The following MAP4K4 variants were observed in gnomAD, a reference collection of about 807,000 sequenced individuals.
MAP4K4 encodes the protein HPK/GCK-like kinase HGK.
MAP4K4 carries 38 observed loss-of-function variants against 189.6 expected under a neutral mutation model. The ratio of observed to expected loss-of-function variants is 0.20; its 90% CI spans 0.15 to 0.26. The LOEUF is 0.26. MAP4K4 is among the 10% of genes least tolerant of loss of function. The probability of loss-of-function intolerance (pLI) is 1.00; values close to 1 mark genes in which losing one functional copy is unlikely to be tolerated. For missense variants in MAP4K4, 1,054 were observed against 1,726.9 expected (o/e 0.61, Z 6.91); for synonymous variants, 610 against 624.3 (o/e 0.98, Z 0.34).
intron 2 of MAP4K4, among the ~76,000 whole-genome samples, chr2:101,729,971 T>C (rs1273721471): frequency 6.6e-6 from 1 of 152,206 alleles, no homozygotes; most frequent in East Asian, 1.9e-4. Context: ...AACCTGTCTT[T>C]GTGTCTCCTC....
intron 2 of MAP4K4, among the ~76,000 whole-genome samples, chr2:101,702,915 TGAA>T (rs1397061982): frequency 6.6e-6 from 1 of 152,154 alleles, no homozygotes; most frequent in Non-Finnish European, 1.5e-5. Flanking sequence ...CCTCATTTAT[TGAA>T]GAAAGGGAGG....
chr2:101,861,082 C>A, intron 16 of MAP4K4, 96 bp downstream of exon 16: 1 of 1,173,950 alleles, frequency 8.5e-7, no homozygotes, highest in Non-Finnish European at 1.2e-6. Flanking sequence ...TTTGTCACCA[C>A]ACTGAAAAAG....
At chr2:101,882,283 T>G (rs1268009011) in intron 27 of MAP4K4, among the ~76,000 whole-genome samples, 4 of 152,248 alleles carry the variant, frequency 2.6e-5, no homozygotes, top group Non-Finnish European at 5.9e-5. Context: ...TGAGATCACT[T>G]CTTTTCCAAA....
chr2:101,719,177 C>T (rs2149413295), intron 2 of MAP4K4, among the ~76,000 whole-genome samples: 1 of 152,296 alleles, frequency 6.6e-6, no homozygotes, highest in Non-Finnish European at 1.5e-5. Flanking sequence ...CAGATCTGGC[C>T]TCTTTTATGC....
chr2:101,767,106 C>T (rs935428543), intron 2 of MAP4K4, among the ~76,000 whole-genome samples: 2 of 152,204 alleles, frequency 1.3e-5, no homozygotes, highest in Non-Finnish European at 2.9e-5. Context: ...AAGTTATACC[C>T]TATGCAGACA....
Position 101,842,688 on chromosome 2 carries a change from A to G in MAP4K4, c.1022+7A>G. The G allele has an allele frequency of 6.2e-7, 1 of 1,602,548 alleles. No individual in the cohort carries two copies. Among genetic ancestry groups the G allele is most frequent in the Non-Finnish European group, 8.5e-7 (1 of 1,173,780 alleles). ...AACAGGAAGGAGAGCCAAGGTAACC[A>G]CAAAGCCACTGTTCAGTATCCTGCT... On this transcript the variant is annotated splice_region_variant and intron_variant, in intron 11 of 32. Coordinates refer to ENST00000324219, the Ensembl canonical transcript of MAP4K4.
At chr2:101,837,628 G>T (rs984372368) in intron 9 of MAP4K4, among the ~76,000 whole-genome samples, 2 of 152,048 alleles carry the variant, frequency 1.3e-5, no homozygotes, top group African/African-American at 4.8e-5. Context: ...TGTCACCAAG[G>T]AATCAGCTGT....
At chr2:101,702,331 C>T (rs2039321980) in intron 2 of MAP4K4, among the ~76,000 whole-genome samples, 1 of 152,042 alleles carries the variant, frequency 6.6e-6, no homozygotes, top group Non-Finnish European at 1.5e-5. Flanking sequence ...CTTTGAGAGG[C>T]GCAGGTGGGC....
intron 2 of MAP4K4, among the ~76,000 whole-genome samples, chr2:101,767,710 T>C (rs1432658140): frequency 6.6e-6 from 1 of 152,214 alleles, no homozygotes; most frequent in Non-Finnish European, 1.5e-5. Context: ...GGCTCCAGAC[T>C]GATCTCCTCG....
At chr2:101,811,385 A>AAAAAAAAAAAAAAG (rs1559031816) in intron 3 of MAP4K4, among the ~76,000 whole-genome samples, 5 of 140,974 alleles carry the variant, frequency 3.5e-5, no homozygotes, top group African/African-American at 1.4e-4. Context: ...AAAAAAAAAA[A>AAAAAAAAAAAAAAG]AAAAAAGAAT....
exon 33 of MAP4K4, chr2:101,892,664 G>A (rs1441456589): frequency 3.1e-6 from 1 of 322,496 alleles, no homozygotes; most frequent in South Asian, 2.5e-5. Flanking sequence ...CATAAAGTGG[G>A]CATCTTCTGT....
At position 101,839,922 on chromosome 2, in the gene MAP4K4, C is replaced by G. The variant is rs373273159; in HGVS notation, c.877C>G (p.Pro293Ala). The G allele has an allele frequency of 9.9e-6, 16 of 1,613,844 alleles. No individual in the cohort carries two copies. The highest frequency in any genetic ancestry group is 9.3e-6 in the Non-Finnish European group (11 of 1,179,826). ...GAAACATCCTTTTATAAGGGATCAG[C>G]CAAATGAAAGGCAAGTTAGAATCCA... Residue 293 changes from proline to alanine, a missense_variant, in exon 10 of 33, where the codon CCA becomes GCA. This residue lies in a region of MAP4K4 where 200 missense variants were observed against 509.0 expected (regional missense o/e 0.39). Coordinates refer to ENST00000324219, the Ensembl canonical transcript of MAP4K4.
At chr2:101,727,954 G>A (rs1211504899) in intron 2 of MAP4K4, among the ~76,000 whole-genome samples, 3 of 152,232 alleles carry the variant, frequency 2.0e-5, no homozygotes, top group Admixed American at 2.0e-4. Context: ...GGGTGACAGA[G>A]CGAGACTCCG....
chr2:101,834,330 T>C (rs1335540424), intron 7 of MAP4K4, 79 bp from the exon 8 acceptor site: 1 of 1,075,420 alleles, frequency 9.3e-7, no homozygotes, highest in Non-Finnish European at 1.4e-6. Flanking sequence ...TATAGCAAAG[T>C]TGTGTGAATA....
intron 3 of MAP4K4, among the ~76,000 whole-genome samples, chr2:101,802,215 A>G (rs4530386): frequency 0.75 from 114,550 of 152,088 alleles, 43,591 homozygotes; most frequent in African/African-American, 0.88. Flanking sequence ...ACCCTTGGCT[A>G]CCCCTCTGGT....
chr2:101,818,709 T>C (rs2095861461), intron 3 of MAP4K4, among the ~76,000 whole-genome samples: 1 of 152,158 alleles, frequency 6.6e-6, no homozygotes, highest in African/African-American at 2.4e-5. Context: ...AAATTACTAC[T>C]ATGCAGATGT....
At chr2:101,729,131 T>TGTGA (rs2057222382) in intron 2 of MAP4K4, among the ~76,000 whole-genome samples, 2 of 151,234 alleles carry the variant, frequency 1.3e-5, no homozygotes, top group African/African-American at 4.9e-5. Context: ...TGTGTGTGTG[T>TGTGA]CCTGTTCCCA....
chr2:101,762,207 C>T (rs925886978), intron 2 of MAP4K4, among the ~76,000 whole-genome samples: 2 of 152,286 alleles, frequency 1.3e-5, no homozygotes, highest in Non-Finnish European at 2.9e-5. Context: ...AATTGTGTAT[C>T]CCACATTTAA....
At chr2:101,867,778 C>CTT (rs2097858982) in intron 20 of MAP4K4, 7 of 476,656 alleles carry the variant, frequency 1.5e-5, no homozygotes. Flanking sequence ...GGTTGCCTAC[C>CTT]TTCTGCTTTT....
Sources: gnomAD v4.1 joint callset for allele counts (sites outside exome capture counted in the v4.1 genomes callset) on GRCh38, gnomAD v4.1.1 for gene constraint, gnomAD v4.1.1 regional missense constraint, MANE v1.5 for transcripts, NCBI Gene and HGNC (gene_info 2026-07-23, HGNC 2026-07-21) for gene names.